ZHX3: variants seen among roughly 807,000 people sequenced by gnomAD.
ZHX3 encodes zinc fingers and homeoboxes 3, also known as zinc fingers and homeoboxes protein 3.
ZHX3 carries 20 observed loss-of-function variants against 64.5 expected under a neutral mutation model. That is an observed-to-expected ratio of 0.31 (90% CI 0.22 to 0.45). The LOEUF (loss-of-function observed/expected upper bound fraction) is 0.45, where lower values mean the gene tolerates loss of function less well. Among genes scored for constraint, ZHX3 ranks in the 20% least tolerant of loss-of-function variants. The pLI is 1.00. For missense variants in ZHX3, 1,041 were observed against 1,195.8 expected, an observed-to-expected ratio of 0.87 and a Z score of 1.91; for synonymous variants, 423 against 461.6, an observed-to-expected ratio of 0.92 and a Z score of 1.07.
chr20:41,279,499 T>C (rs1215089581), intron 1 of ZHX3, among the ~76,000 whole-genome samples: 1 of 152,152 alleles, frequency 6.6e-6, no homozygotes. Context: ...GACAGCTAAA[T>C]TCCTTGAATG....
At chr20:41,242,413 G>A (rs567511360) in intron 2 of ZHX3, among the ~76,000 whole-genome samples, 22 of 152,298 alleles carry the variant, frequency 1.4e-4, no homozygotes, top group Non-Finnish European at 2.8e-4. Flanking sequence ...ATCCATTAAG[G>A]GTGAGGAGTA....
Position 41,226,445 on chromosome 20 carries a change from T to TG in ZHX3, c.-150-21380dup, listed in dbSNP as rs1271290544. ...TTTTATTTATCCATTCATCCACTGATGGACATTTAGGTTGCTTCCCCCTCT... is the reference window on the plus strand; with the variant it reads ...TTTTATTTATCCATTCATCCACTGATGGGACATTTAGGTTGCTTCCCCCTCT... On this transcript the variant is annotated intron_variant, in intron 2 of 3. Coordinates refer to ENST00000683867, the MANE Select transcript of ZHX3 (RefSeq NM_001384317.1). The surrounding 1 kb of genome is among the most constrained non-coding windows in gnomAD (Gnocchi z 4.4). Among the ~76,000 whole-genome samples, 10 of 152,360 alleles carry TG rather than the reference T, an allele frequency of 6.6e-5. No individual in the cohort carries two copies. The highest frequency in any genetic ancestry group is 2.2e-4 in the African/African-American group (9 of 41,584).
At chr20:41,286,232 CT>C (rs1188897862) in intron 1 of ZHX3, among the ~76,000 whole-genome samples, 1 of 152,180 alleles carries the variant, frequency 6.6e-6, no homozygotes, top group Non-Finnish European at 1.5e-5. Flanking sequence ...CTAATCCTTC[CT>C]TCTGCATTCA....
At chr20:41,244,813 G>A (rs976412810) in intron 2 of ZHX3, among the ~76,000 whole-genome samples, 1 of 152,210 alleles carries the variant, frequency 6.6e-6, no homozygotes, top group Non-Finnish European at 1.5e-5. Flanking sequence ...ACTGATGTGT[G>A]TTGTGTCTGT....
At chr20:41,299,533 A>T (rs753613766) in intron 1 of ZHX3, among the ~76,000 whole-genome samples, 7 of 152,172 alleles carry the variant, frequency 4.6e-5, no homozygotes, top group Non-Finnish European at 1.0e-4. Flanking sequence ...GAAAGACAAA[A>T]AGAAAAAATT....
intron 1 of ZHX3, among the ~76,000 whole-genome samples, chr20:41,299,455 G>T (rs1232597022): frequency 6.6e-6 from 1 of 152,148 alleles, no homozygotes; most frequent in Non-Finnish European, 1.5e-5. Flanking sequence ...CCACTGAGAA[G>T]AAAGTGATTC....
intron 2 of ZHX3, among the ~76,000 whole-genome samples, chr20:41,266,844 CTTTTTTTTTTTT>C (rs11327834): frequency 3.9e-5 from 3 of 76,436 alleles, no homozygotes; most frequent in Non-Finnish European, 8.0e-5. Context: ...CGTGCCCGGC[CTTTTTTTTTTTT>C]TTTTTTTTTT....
At chr20:41,221,463 GT>G (rs1269020812) in intron 2 of ZHX3, among the ~76,000 whole-genome samples, 1 of 152,092 alleles carries the variant, frequency 6.6e-6, no homozygotes, top group Non-Finnish European at 1.5e-5. Context: ...TTTAACAAAT[GT>G]TTACTAAATG....
At chr20:41,282,359 A>ATGTTTTTTTTTTTTTTTTTTTT in intron 1 of ZHX3, among the ~76,000 whole-genome samples, 1 of 60,704 alleles carries the variant, frequency 1.6e-5, no homozygotes, top group Admixed American at 1.6e-4. Flanking sequence ...GACACAATTC[A>ATGTTTTTTTTTTTTTTTTTTTT]TCTTTTTTTT....
At chr20:41,207,303 A>G (rs1251247628) in intron 2 of ZHX3, among the ~76,000 whole-genome samples, 1 of 152,200 alleles carries the variant, frequency 6.6e-6, no homozygotes, top group Non-Finnish European at 1.5e-5. Flanking sequence ...ACATAACAAT[A>G]TTAACCTTAA....
At chr20:41,283,165 T>G (rs146038502) in intron 1 of ZHX3, among the ~76,000 whole-genome samples, 2 of 152,348 alleles carry the variant, frequency 1.3e-5, no homozygotes, top group Non-Finnish European at 2.9e-5. Context: ...CGCCTTGGCC[T>G]TCCAAAGTAC....
At chr20:41,230,913 G>A (rs918675738) in intron 2 of ZHX3, among the ~76,000 whole-genome samples, 10 of 152,132 alleles carry the variant, frequency 6.6e-5, no homozygotes, top group African/African-American at 2.4e-4. Flanking sequence ...TTCACTCTTG[G>A]TGTACATTCT....
At chr20:41,282,197 T>C (rs2043710168) in intron 1 of ZHX3, among the ~76,000 whole-genome samples, 1 of 152,146 alleles carries the variant, frequency 6.6e-6, no homozygotes, top group Non-Finnish European at 1.5e-5. Context: ...TCGAGACTAA[T>C]TTTTCATTTA....
intron 1 of ZHX3, among the ~76,000 whole-genome samples, chr20:41,313,751 A>C (rs1385227423): frequency 4.6e-5 from 7 of 152,012 alleles, no homozygotes; most frequent in Non-Finnish European, 5.9e-5. Context: ...GCGCCCGCCA[A>C]CACACCTGGC....
rs772662738 is a variant in ZHX3 at position 41,201,385 on chromosome 20, C to G, written c.2860+672G>C. 5 of 1,304,146 alleles carry G rather than the reference C, an allele frequency of 3.8e-6. No individual in the cohort carries two copies. The highest frequency in any genetic ancestry group is 5.1e-6 in the Non-Finnish European group (5 of 988,614). The allele number at this position is 1,304,146 out of a possible 1,614,324, so 80.8% of individuals were successfully genotyped here. On this transcript the variant is annotated intron_variant, in intron 3 of 3. Transcript: ENST00000683867. This position sits in a 1 kb window ranked among gnomAD's most constrained non-coding sequence, Gnocchi z 5.0. ...GGCTGGGAACTCAGTGACCAGGAACCTAGAAAATCAACACGTAATAACATG... is the reference window on the plus strand; with the variant it reads ...GGCTGGGAACTCAGTGACCAGGAACGTAGAAAATCAACACGTAATAACATG...
Position 41,203,945 on chromosome 20 carries a change from G to A in ZHX3, c.972C>T (p.His324=). 6.2e-7 allele frequency: 1 copy of A among 1,614,256 alleles called. No individual in the cohort carries two copies. The highest frequency in any genetic ancestry group is 1.6e-4 in the Middle Eastern group (1 of 6,062). Residue 324 remains histidine (H), a synonymous_variant, in exon 3 of 4, where the codon CAC becomes CAT. Transcript: ENST00000683867. The surrounding 1 kb of genome is among the most constrained non-coding windows in gnomAD (Gnocchi z 7.1). ...DSNSFLKNSF[H]KFPYPTKAEL... The stretch of plus-strand genomic sequence containing the variant: ...CGGCTTTGGTGGGGTAGGGGAACTT[G>A]TGGAAGGAGTTCTTCAGGAAGCTGT...
rs144676818 is a variant in ZHX3, at chr20:41,201,867, A to G, written c.2860+190T>C. Among the ~76,000 whole-genome samples the G allele has an allele frequency of 1.7e-3, 261 of 152,332 alleles. No individual in the cohort carries two copies. The highest frequency in any genetic ancestry group is 7.2e-3 in the South Asian group (35 of 4,828). On this transcript the variant is annotated intron_variant, in intron 3 of 3. Transcript: ENST00000683867. The surrounding 1 kb of genome is among the most constrained non-coding windows in gnomAD (Gnocchi z 5.0). ...ACACATGAAACAAAAAACAGCTCTC[A>G]ACCGTTTATCATATTATATTCCTAT... is the stretch of plus-strand genomic sequence containing the variant.
At position 41,183,475 on chromosome 20, in the gene ZHX3, C is replaced by T. The variant is rs2036316236; in HGVS notation, c.*1716G>A. Reference sequence around the variant, plus strand: ...GATTTTGGTTTCAAAAGCAAGACCTCTCCTGGAAGGCAGAAGGGGCCACCG... The same window carrying T: ...GATTTTGGTTTCAAAAGCAAGACCTTTCCTGGAAGGCAGAAGGGGCCACCG... On this transcript the variant is annotated 3_prime_UTR_variant, in exon 4 of 4. Transcript: ENST00000683867. The surrounding 1 kb of genome is among the most constrained non-coding windows in gnomAD (Gnocchi z 5.3). The T allele has an allele frequency of 6.6e-6, 1 of 152,358 alleles. No individual in the cohort carries two copies. The highest frequency in any genetic ancestry group is 1.9e-4 in the East Asian group (1 of 5,190). 9.4% of individuals were successfully genotyped at this position (152,358 alleles called of 1,614,324 possible).
At chr20:41,301,387 C>T (rs960789342) in intron 1 of ZHX3, among the ~76,000 whole-genome samples, 14 of 152,170 alleles carry the variant, frequency 9.2e-5, no homozygotes, top group Non-Finnish European at 1.8e-4. Context: ...AGAATAGAAT[C>T]TTAATGCCTT....
Sources: allele counts gnomAD v4.1 joint callset (sites outside exome capture counted in the v4.1 genomes callset), GRCh38; gene constraint gnomAD v4.1.1; non-coding constraint Gnocchi (gnomAD v3.1); transcripts MANE v1.5; gene names NCBI Gene and HGNC (gene_info 2026-07-23, HGNC 2026-07-21).